The following PCSK1 variants were observed in gnomAD, a reference collection of about 807,000 sequenced individuals.
PCSK1 encodes the protein proprotein convertase subtilisin/kexin type 1, also known as neuroendocrine convertase 1.
Under a neutral mutation model 90.6 loss-of-function variants are expected in PCSK1, and 56 were observed. The ratio of observed to expected loss-of-function variants is 0.62; its 90% CI spans 0.50 to 0.77. PCSK1 has a LOEUF of 0.77. Among genes scored for constraint, PCSK1 ranks in the 30% least tolerant of loss-of-function variants. PCSK1 has a pLI of 0.00. For missense variants in PCSK1, 801 were observed against 932.6 expected (o/e 0.86, Z 1.84); for synonymous variants, 348 against 342.4 (o/e 1.02, Z -0.18).
intron 12 of PCSK1, among the ~76,000 whole-genome samples, chr5:96,396,763 G>A (rs1760164339): frequency 6.6e-6 from 1 of 152,092 alleles, no homozygotes; most frequent in Non-Finnish European, 1.5e-5. Context: ...GCATTTTTGT[G>A]ACTGTGTGTT....
chr5:96,408,454 T>C (rs1760645699), intron 8 of PCSK1, 131 bp from the exon 9 acceptor site: 1 of 709,478 alleles, frequency 1.4e-6, no homozygotes, highest in Non-Finnish European at 2.6e-6. Flanking sequence ...TTGCCTACTT[T>C]CTCCTCTAAA....
chr5:96,431,341 G>A (rs1474506089), intron 1 of PCSK1, among the ~76,000 whole-genome samples: 1 of 152,066 alleles, frequency 6.6e-6, no homozygotes, highest in Non-Finnish European at 1.5e-5. Flanking sequence ...TTCTGTTCCC[G>A]GAGCAAATGT....
intron 5 of PCSK1, among the ~76,000 whole-genome samples, chr5:96,417,309 A>G (rs1409874715): frequency 6.6e-6 from 1 of 152,142 alleles, no homozygotes; most frequent in African/African-American, 2.4e-5. Context: ...TAGGAATTCT[A>G]AGTCAGGACA....
chr5:96,423,525 A>G (rs1351389271), intron 3 of PCSK1, 66 bp from the exon 4 acceptor site: 6 of 1,426,514 alleles, frequency 4.2e-6, no homozygotes, highest in Admixed American at 1.7e-5. Context: ...TGGGCACTTC[A>G]GTTCCAACCT....
chr5:96,428,141 C>T (rs148708782), intron 2 of PCSK1, among the ~76,000 whole-genome samples: 2 of 152,164 alleles, frequency 1.3e-5, no homozygotes, highest in Admixed American at 6.5e-5. Context: ...TCTTTTTCTT[C>T]TTCTTTTAAA....
At position 96,415,272 on chromosome 5, in the gene PCSK1, A is replaced by G. The variant is rs1229949806; in HGVS notation, c.709+761T>C. Among the ~76,000 whole-genome samples the G allele has an allele frequency of 2.0e-5, 3 of 152,306 alleles. No homozygotes were observed. The South Asian group carries it at 6.2e-4, about 32-fold the overall frequency. On this transcript the variant is annotated intron_variant, in intron 6 of 13. Transcript: ENST00000311106. ...GAGGGTGGGAATCAAGAGGAGAATG[A>G]GGTGCCTATACCCCTGAATCCCCTT...
rs533603278 is a variant in PCSK1 at position 96,410,897 on chromosome 5, G to C, written c.972C>G (p.Asp324Glu). 3 of 1,613,940 alleles carry C rather than the reference G, an allele frequency of 1.9e-6. No homozygotes were observed. Among genetic ancestry groups the C allele is most frequent in the South Asian group, 1.1e-5 (1 of 91,074 alleles). The change falls in exon 8 of 14, where the codon GAC becomes GAG. Residue 324 changes from aspartate (D) to glutamate (E), a missense_variant. Coordinates refer to ENST00000311106, the MANE Select transcript of PCSK1 (RefSeq NM_000439.5). Reference sequence around the variant, plus strand: ...TGCTGATGGAGATGGTGTAGATGCTGTCTGTGTAGCCATCACAGTCACAAT... The same window carrying C: ...TGCTGATGGAGATGGTGTAGATGCTCTCTGTGTAGCCATCACAGTCACAAT... ...GDNCDCDGYT[D>E]SIYTISISSA...
In PCSK1 at chr5:96,416,014, G is replaced by A; in HGVS notation, c.709+19C>T. The A allele has an allele frequency of 6.7e-7, 1 of 1,497,906 alleles. No individual in the cohort carries two copies. The highest frequency in any genetic ancestry group is 9.3e-7 in the Non-Finnish European group (1 of 1,073,912). 92.8% of individuals were successfully genotyped at this position (1,497,906 alleles called of 1,614,324 possible). A position where few individuals can be genotyped will look rare whatever the true frequency, so the allele number is the denominator to read the frequency against. On this transcript the variant is annotated intron_variant, in intron 6 of 13. Coordinates refer to ENST00000311106, the MANE Select transcript of PCSK1 (RefSeq NM_000439.5). ...TTCACATTAAAATGCCAAGCTATAG[G>A]GACAATCCTCTGTTTTACCTCCAAC...
chr5:96,400,415 A>G (rs1385160086), intron 9 of PCSK1, among the ~76,000 whole-genome samples: 1 of 152,246 alleles, frequency 6.6e-6, no homozygotes, highest in African/African-American at 2.4e-5. Context: ...TCTCCAGAGC[A>G]TATAAGCTTT....
At position 96,410,971 on chromosome 5, in the gene PCSK1, C is replaced by G; in HGVS notation, c.898G>C (p.Gly300Arg). 6.2e-7 allele frequency: 1 copy of G among 1,613,054 alleles called. No individual in the cohort carries two copies. Residue 300 changes from glycine (G) to arginine (R), a missense_variant, in exon 8 of 14, where the codon GGG becomes CGG. Gly to Arg is a moderately radical substitution (Grantham distance 125, BLOSUM62 -2). Coordinates refer to ENST00000311106, the MANE Select transcript of PCSK1 (RefSeq NM_000439.5). ...YGVKQGRQGK[G>R]SIFVWASGNG... is the part of the protein sequence containing the mutation. ...CCCGAAGCCCAGACGAAGATGGACC[C>G]CTTCCCCTGTCTCCCCTAAAGGAAA... is the stretch of plus-strand genomic sequence containing the variant.
At chr5:96,403,721 G>T (rs1230116432) in intron 9 of PCSK1, among the ~76,000 whole-genome samples, 3 of 152,194 alleles carry the variant, frequency 2.0e-5, no homozygotes, top group Non-Finnish European at 4.4e-5. Flanking sequence ...AGAGTGAAAA[G>T]TCTTAGGAGC....
intron 2 of PCSK1, among the ~76,000 whole-genome samples, chr5:96,426,888 T>A (rs1195795378): frequency 6.6e-6 from 1 of 152,188 alleles, no homozygotes; most frequent in Admixed American, 6.5e-5. Flanking sequence ...ATTAAAAATA[T>A]ACTGCAAACC....
rs758889453 is a variant in PCSK1, at chr5:96,408,253, GC to G, written c.1165del (p.Ala389LeufsTer45). The G allele has an allele frequency of 1.2e-6, 2 of 1,614,056 alleles. No homozygotes were observed. The highest frequency in any genetic ancestry group is 1.7e-6 in the Non-Finnish European group (2 of 1,179,914). ...TTCCAGGGCCAGAGCGAAGATGCCAGCAGCCAGAGGTGCAGAGGCCGAGGTG... is the reference window on the plus strand; with the variant it reads ...TTCCAGGGCCAGAGCGAAGATGCCAGAGCCAGAGGTGCAGAGGCCGAGGTG... ...TGTSASAPLA[A>X]GIFALALEAN... On this transcript the variant is annotated frameshift_variant, in exon 9 of 14. Transcript: ENST00000311106. LOFTEE classifies it high-confidence loss of function.
chr5:96,394,735 CA>C, intron 13 of PCSK1, 128 bp downstream of exon 13: 1 of 803,550 alleles, frequency 1.2e-6, no homozygotes, highest in Non-Finnish European at 2.2e-6. Context: ...AATAGTTTAC[CA>C]CTATCACTTC....
At chr5:96,396,749 A>T (rs1005483201) in intron 12 of PCSK1, among the ~76,000 whole-genome samples, 1 of 152,194 alleles carries the variant, frequency 6.6e-6, no homozygotes, top group Admixed American at 6.5e-5. Context: ...TTTGCTCTGT[A>T]CTTGCATTTT....
intron 5 of PCSK1, among the ~76,000 whole-genome samples, chr5:96,419,337 T>C (rs1309468485): frequency 2.0e-5 from 3 of 147,808 alleles, no homozygotes; most frequent in Non-Finnish European, 4.5e-5. Context: ...AAAACCTCAC[T>C]TTAACCCCTA....
chr5:96,417,919 C>A (rs1413293954), intron 5 of PCSK1, among the ~76,000 whole-genome samples: 1 of 152,158 alleles, frequency 6.6e-6, no homozygotes, highest in Non-Finnish European at 1.5e-5. Context: ...GTCACCACTG[C>A]CTTCTTATAT....
chr5:96,400,021 G>T lies in PCSK1; in HGVS notation c.1362C>A (p.Asp454Glu). ...LNAKALVDLA[D>E]PRTWRSVPEK... Reference sequence around the variant, plus strand: ...CAGGCACGCTCCTCCAGGTCCTGGGGTCAGCTAAATCCACCAGAGCTTTGG... The same window carrying T: ...CAGGCACGCTCCTCCAGGTCCTGGGTTCAGCTAAATCCACCAGAGCTTTGG... Residue 454 changes from aspartate (D) to glutamate (E), a missense_variant, in exon 10 of 14, where the codon GAC (aspartate) becomes GAA (glutamate). By Grantham distance (45) the Asp-to-Glu change is conservative (BLOSUM62 2). Transcript: ENST00000311106. 1.2e-6 allele frequency: 2 copies of T among 1,614,204 alleles called. No homozygotes were observed. Among genetic ancestry groups the T allele is most frequent in the Non-Finnish European group, 1.7e-6 (2 of 1,180,038 alleles).
chr5:96,398,148 C>T (rs1368338987), intron 11 of PCSK1, among the ~76,000 whole-genome samples: 1 of 152,110 alleles, frequency 6.6e-6, no homozygotes, highest in Admixed American at 6.6e-5. Flanking sequence ...TCCAATACAT[C>T]TAGAAAGCAT....
Sources: allele counts gnomAD v4.1 joint callset (sites outside exome capture counted in the v4.1 genomes callset), GRCh38; gene constraint gnomAD v4.1.1; transcripts MANE v1.5; gene names NCBI Gene and HGNC (gene_info 2026-07-23, HGNC 2026-07-21).